NELL1: variants seen among roughly 807,000 people sequenced by gnomAD.
The protein encoded by NELL1 is neural EGFL like 1.
A neutral mutation model predicts 107.4 loss-of-function variants in NELL1; 76 were observed. The ratio of observed to expected loss-of-function variants is 0.71; its 90% CI spans 0.59 to 0.86. The LOEUF (loss-of-function observed/expected upper bound fraction) is 0.86, where lower values mean the gene tolerates loss of function less well. Ranked by LOEUF, NELL1 falls within the 40% of genes least tolerant of loss-of-function variation. The probability of loss-of-function intolerance (pLI) is 0.00; values close to 1 mark genes in which losing one functional copy is unlikely to be tolerated. For missense variants in NELL1, 1,024 were observed against 1,005.5 expected (o/e 1.02, Z -0.25); for synonymous variants, 353 against 341.2 (o/e 1.03, Z -0.38).
At chr11:20,723,379 C>T (rs1320645184) in intron 2 of NELL1, among the ~76,000 whole-genome samples, 2 of 152,194 alleles carry the variant, frequency 1.3e-5, no homozygotes, top group Non-Finnish European at 2.9e-5. Flanking sequence ...TAAATGTTCC[C>T]ATTCCAAATG....
chr11:21,395,539 T>C (rs1362601795), intron 15 of NELL1, among the ~76,000 whole-genome samples: 1 of 151,550 alleles, frequency 6.6e-6, no homozygotes, highest in Admixed American at 6.6e-5. Context: ...TATTTCTAAC[T>C]TCTGTTTAAA....
chr11:21,166,360 T>A (rs565483858), intron 13 of NELL1, among the ~76,000 whole-genome samples: 1 of 151,080 alleles, frequency 6.6e-6, no homozygotes, highest in South Asian at 2.1e-4. Context: ...AAAAATAATT[T>A]ACATTTACAT....
intron 15 of NELL1, among the ~76,000 whole-genome samples, chr11:21,514,781 G>T (rs1855517727): frequency 6.7e-6 from 1 of 148,872 alleles, no homozygotes; most frequent in African/African-American, 2.6e-5. Flanking sequence ...AGTTTTCTTT[G>T]TGACAAGAAA....
chr11:21,142,521 G>C (rs371397856), intron 13 of NELL1, among the ~76,000 whole-genome samples: 10 of 152,312 alleles, frequency 6.6e-5, no homozygotes, highest in African/African-American at 1.9e-4. Context: ...TCCATTTTGC[G>C]GGCTTAAATC....
chr11:20,708,129 G>C (rs549289090), intron 2 of NELL1, among the ~76,000 whole-genome samples: 2 of 152,342 alleles, frequency 1.3e-5, no homozygotes, highest in East Asian at 3.9e-4. Flanking sequence ...CTGTGTGGGC[G>C]TGGGACTCTC....
At chr11:20,698,789 C>G (rs944691803) in intron 2 of NELL1, among the ~76,000 whole-genome samples, 9 of 152,276 alleles carry the variant, frequency 5.9e-5, no homozygotes, top group South Asian at 2.1e-4. Flanking sequence ...TAATCCCTCA[C>G]CCCATTCCTA....
rs193145937 is a variant in NELL1, at chr11:21,357,826, G to A, written c.1550-13027G>A. ...CATCTTGAGTTGATTTTTGTATAAG[G>A]TGAGAGATAAGGATCCAGTTTTATT... is the stretch of plus-strand genomic sequence containing the variant. On this transcript the variant is annotated intron_variant, in intron 14 of 19. Coordinates refer to ENST00000357134, the MANE Select transcript of NELL1 (RefSeq NM_006157.5). Among the ~76,000 whole-genome samples the A allele has an allele frequency of 3.4e-3, 517 of 152,230 alleles. 5 individuals carry two copies. Among genetic ancestry groups the A allele is most frequent in the African/African-American group, 0.011 (468 of 41,536 alleles).
intron 2 of NELL1, among the ~76,000 whole-genome samples, chr11:20,726,689 T>C (rs1332372854): frequency 1.3e-5 from 2 of 152,216 alleles, no homozygotes; most frequent in Non-Finnish European, 2.9e-5. Context: ...GTTGGTTTGC[T>C]GCACCCATCA....
At chr11:20,995,584 A>AG (rs201838585) in intron 12 of NELL1, among the ~76,000 whole-genome samples, 16,552 of 152,016 alleles carry the variant, frequency 0.11, 947 homozygotes, top group South Asian at 0.19. Flanking sequence ...TTAAAAAAAA[A>AG]AATCAGCGTC....
chr11:20,991,628 C>G (rs1337515108), intron 12 of NELL1, among the ~76,000 whole-genome samples: 1 of 151,984 alleles, frequency 6.6e-6, no homozygotes, highest in East Asian at 1.9e-4. Context: ...CAGGCCAGCA[C>G]ATTGGGACGT....
At chr11:21,322,476 C>A (rs1850034468) in intron 14 of NELL1, among the ~76,000 whole-genome samples, 1 of 151,918 alleles carries the variant, frequency 6.6e-6, no homozygotes, top group African/African-American at 2.4e-5. Context: ...TGACTATAAC[C>A]AATAATAATA....
chr11:20,752,144 G>A (rs1351134480), intron 2 of NELL1, among the ~76,000 whole-genome samples: 1 of 120,484 alleles, frequency 8.3e-6, no homozygotes, highest in East Asian at 2.6e-4. Flanking sequence ...TCCAATTTTA[G>A]TTGAAAGCAT....
intron 14 of NELL1, 64 bp downstream of exon 14, chr11:21,229,518 G>A (rs923851420): frequency 3.1e-5 from 49 of 1,603,820 alleles, no homozygotes; most frequent in Middle Eastern, 1.7e-4. Flanking sequence ...TGGCACTTGT[G>A]CGTCGGACCT....
At chr11:20,780,443 T>G (rs1304957960) in intron 2 of NELL1, among the ~76,000 whole-genome samples, 1 of 152,202 alleles carries the variant, frequency 6.6e-6, no homozygotes, top group Non-Finnish European at 1.5e-5. Flanking sequence ...GAAAATACAT[T>G]AATTAATTCA....
At chr11:21,284,274 T>C (rs1219892149) in intron 14 of NELL1, 1 of 457,148 alleles carries the variant, frequency 2.2e-6, no homozygotes, top group East Asian at 7.0e-5. Context: ...GATGTAGACA[T>C]CCTAGTTGTT....
At chr11:21,006,632 G>A (rs998589979) in intron 12 of NELL1, among the ~76,000 whole-genome samples, 5 of 151,872 alleles carry the variant, frequency 3.3e-5, no homozygotes, top group African/African-American at 1.2e-4. Flanking sequence ...CTTTCCCCTT[G>A]GCGCTTATAA....
chr11:20,947,638 A>G (rs551162106), intron 11 of NELL1, among the ~76,000 whole-genome samples: 2 of 152,358 alleles, frequency 1.3e-5, no homozygotes, highest in East Asian at 1.9e-4. Context: ...TCTACTTTGT[A>G]AGACTGCTGT....
chr11:21,525,460 A>G (rs951189004), intron 15 of NELL1, among the ~76,000 whole-genome samples: 1 of 152,230 alleles, frequency 6.6e-6, no homozygotes, highest in African/African-American at 2.4e-5. Context: ...CATTTGCCTA[A>G]TGAAGAACCC....
At chr11:21,308,502 A>G (rs1185932800) in intron 14 of NELL1, among the ~76,000 whole-genome samples, 1 of 152,084 alleles carries the variant, frequency 6.6e-6, no homozygotes, top group Admixed American at 6.6e-5. Context: ...AAAGCAGCAT[A>G]ATCTATAAGG....
Sources: allele counts gnomAD v4.1 joint callset (sites outside exome capture counted in the v4.1 genomes callset), GRCh38; gene constraint gnomAD v4.1.1; transcripts MANE v1.5; gene names NCBI Gene and HGNC (gene_info 2026-07-23, HGNC 2026-07-21).